The following CNBD1 variants were observed in gnomAD, a reference collection of about 807,000 sequenced individuals.
The protein encoded by CNBD1 is cyclic nucleotide-binding domain-containing protein 1.
Under a neutral mutation model 54.4 loss-of-function variants are expected in CNBD1, and 71 were observed. The observed-to-expected ratio is 1.30, with a 90% CI of 1.08 to 1.59. CNBD1 has a LOEUF of 1.59. Ranked by LOEUF, CNBD1 falls within the 40% of genes most tolerant of loss-of-function variation. The pLI is 0.00. For missense variants in CNBD1, 659 were observed against 518.0 expected (o/e 1.27, Z -2.64); for synonymous variants, 182 against 170.7 (o/e 1.07, Z -0.51).
intron 4 of CNBD1, among the ~76,000 whole-genome samples, chr8:87,205,556 A>G (rs1447558998): frequency 2.0e-5 from 3 of 152,188 alleles, no homozygotes; most frequent in Admixed American, 1.3e-4. Context: ...GTTAAAGTAT[A>G]TTTCCATTTG....
chr8:87,266,547 G>C (rs1041834157), intron 6 of CNBD1, among the ~76,000 whole-genome samples: 3 of 132,710 alleles, frequency 2.3e-5, no homozygotes, highest in Non-Finnish European at 4.6e-5. Context: ...CGCCTCCCAG[G>C]TTCAATGGAT....
At chr8:87,096,738 G>A (rs1343521559) in intron 4 of CNBD1, among the ~76,000 whole-genome samples, 3 of 151,886 alleles carry the variant, frequency 2.0e-5, no homozygotes, top group Non-Finnish European at 2.9e-5. Flanking sequence ...GGTTCAGGGT[G>A]GGAGAAAAGC....
rs779955669 is a variant in CNBD1 at position 87,286,698 on chromosome 8, T to C, written c.1042+27T>C. On this transcript the variant is annotated intron_variant, in intron 8 of 10. Transcript: ENST00000518476. Reference sequence around the variant, plus strand: ...TAAGTTTAATGCAATTTAGATCATTTTGTTTGCATTCTGTTATATTATTGG... The same window carrying C: ...TAAGTTTAATGCAATTTAGATCATTCTGTTTGCATTCTGTTATATTATTGG... 29 of 1,492,066 alleles carry C rather than the reference T, an allele frequency of 1.9e-5. No individual in the cohort carries two copies. The South Asian group carries it at 3.3e-4, about 17-fold the overall frequency. The allele number at this position is 1,492,066 out of a possible 1,614,324, so 92.4% of individuals were successfully genotyped here. A position where few individuals can be genotyped will look rare whatever the true frequency, so the allele number is the denominator to read the frequency against.
chr8:87,184,865 T>G (rs969345134), intron 4 of CNBD1, among the ~76,000 whole-genome samples: 2 of 152,216 alleles, frequency 1.3e-5, no homozygotes, highest in African/African-American at 4.8e-5. Flanking sequence ...GGCTATTTCC[T>G]TGTATATTTT....
intron 3 of CNBD1, among the ~76,000 whole-genome samples, chr8:86,933,027 C>T (rs1453093516): frequency 6.6e-6 from 1 of 152,034 alleles, no homozygotes; most frequent in Non-Finnish European, 1.5e-5. Flanking sequence ...CCTCTTAGAC[C>T]ACAAAGAGGA....
At chr8:86,988,148 T>G (rs1808652464) in intron 4 of CNBD1, among the ~76,000 whole-genome samples, 1 of 151,210 alleles carries the variant, frequency 6.6e-6, no homozygotes. Context: ...GATAGGTTTT[T>G]TTTTTTTTTT....
intron 10 of CNBD1, among the ~76,000 whole-genome samples, chr8:87,357,908 G>A (rs540388219): frequency 6.6e-6 from 1 of 152,246 alleles, no homozygotes; most frequent in Admixed American, 6.5e-5. Flanking sequence ...TCCTAATAAA[G>A]GGCTTGGCTT....
intron 5 of CNBD1, among the ~76,000 whole-genome samples, chr8:87,217,582 T>A (rs1053724712): frequency 1.4e-4 from 22 of 151,754 alleles, no homozygotes; most frequent in Non-Finnish European, 2.7e-4. Context: ...GCTTTTTTTT[T>A]TTTTTTAAAT....
At chr8:86,956,039 T>C (rs1183508732) in intron 4 of CNBD1, among the ~76,000 whole-genome samples, 2 of 152,200 alleles carry the variant, frequency 1.3e-5, no homozygotes, top group Non-Finnish European at 2.9e-5. Flanking sequence ...AGTTTCAGCT[T>C]TCTACATATG....
chr8:87,102,366 G>A (rs939843633), intron 4 of CNBD1, among the ~76,000 whole-genome samples: 2 of 152,136 alleles, frequency 1.3e-5, no homozygotes, highest in Non-Finnish European at 2.9e-5. Context: ...ATAGCATGGC[G>A]AGAATTCGTA....
At chr8:87,029,917 A>T (rs1416566649) in intron 4 of CNBD1, among the ~76,000 whole-genome samples, 2 of 152,206 alleles carry the variant, frequency 1.3e-5, no homozygotes, top group Non-Finnish European at 2.9e-5. Context: ...TATGACAGGC[A>T]CATATACGTG....
intron 8 of CNBD1, among the ~76,000 whole-genome samples, chr8:87,322,602 CT>C: frequency 9.8e-6 from 1 of 102,414 alleles, no homozygotes; most frequent in South Asian, 2.9e-4. Flanking sequence ...TAAATGTCTT[CT>C]TTTGAGAAGT....
At chr8:87,259,630 G>A (rs4960935) in intron 6 of CNBD1, among the ~76,000 whole-genome samples, 48,808 of 152,034 alleles carry the variant, frequency 0.32, 8,616 homozygotes, top group Non-Finnish European at 0.4. Context: ...CAACACATAT[G>A]TAACTACACA....
At chr8:87,108,190 A>G (rs892819637) in intron 4 of CNBD1, among the ~76,000 whole-genome samples, 2 of 152,138 alleles carry the variant, frequency 1.3e-5, no homozygotes, top group Non-Finnish European at 2.9e-5. Flanking sequence ...AAAGTTATAT[A>G]ATATATGTGG....
At chr8:87,006,116 G>A (rs191105280) in intron 4 of CNBD1, among the ~76,000 whole-genome samples, 100 of 152,236 alleles carry the variant, frequency 6.6e-4, no homozygotes, top group African/African-American at 2.0e-3. Flanking sequence ...GAGTTGAGAT[G>A]TACATTAAAG....
At chr8:87,278,292 T>A (rs566876485) in intron 6 of CNBD1, among the ~76,000 whole-genome samples, 1 of 151,722 alleles carries the variant, frequency 6.6e-6, no homozygotes, top group Admixed American at 6.6e-5. Context: ...CAGTACTGAT[T>A]GAAATTTTTT....
At chr8:87,016,455 G>GAA (rs199917855) in intron 4 of CNBD1, among the ~76,000 whole-genome samples, 23 of 126,066 alleles carry the variant, frequency 1.8e-4, no homozygotes, top group African/African-American at 5.9e-4. Flanking sequence ...AAAATTAAAT[G>GAA]AAAAAAAAAA....
intron 4 of CNBD1, among the ~76,000 whole-genome samples, chr8:87,033,073 A>G (rs779117501): frequency 2.0e-5 from 3 of 152,168 alleles, no homozygotes; most frequent in Non-Finnish European, 4.4e-5. Context: ...ATGTTTTTCC[A>G]GCAGGAATTT....
intron 8 of CNBD1, among the ~76,000 whole-genome samples, chr8:87,321,425 T>C (rs930159721): frequency 6.6e-6 from 1 of 152,182 alleles, no homozygotes; most frequent in Admixed American, 6.6e-5. Flanking sequence ...GTGATTTTGA[T>C]TTGTGTTTGT....
Sources: allele counts gnomAD v4.1 joint callset (sites outside exome capture counted in the v4.1 genomes callset), GRCh38; gene constraint gnomAD v4.1.1; transcripts MANE v1.5; gene names NCBI Gene and HGNC (gene_info 2026-07-23, HGNC 2026-07-21).